Variants in CELF4 observed in about 807,000 individuals in gnomAD.
The protein encoded by CELF4 is CUGBP Elav-like family member 4.
CELF4 carries 18 observed loss-of-function variants against 59.9 expected under a neutral mutation model. That is an observed-to-expected ratio of 0.30 (90% CI 0.21 to 0.45). The LOEUF (loss-of-function observed/expected upper bound fraction) is 0.45, where lower values mean the gene tolerates loss of function less well. Among genes scored for constraint, CELF4 ranks in the 20% least tolerant of loss-of-function variants. CELF4 has a pLI of 1.00. For synonymous variants in CELF4, 261 were observed against 267.1 expected, an observed-to-expected ratio of 0.98 and a Z score of 0.22; for missense variants, 456 against 689.0, an observed-to-expected ratio of 0.66 and a Z score of 3.79.
intron 2 of CELF4, among the ~76,000 whole-genome samples, chr18:37,479,713 AG>A (rs2099860994): frequency 6.6e-6 from 1 of 152,126 alleles, no homozygotes; most frequent in African/African-American, 2.4e-5. Context: ...GAAGAGCCAC[AG>A]GGCAGCCCCT....
At chr18:37,501,482 C>T (rs902822184) in intron 1 of CELF4, among the ~76,000 whole-genome samples, 1 of 152,210 alleles carries the variant, frequency 6.6e-6, no homozygotes, top group Non-Finnish European at 1.5e-5. Flanking sequence ...TTGCTCAGCC[C>T]TGGCCTGGGA....
At position 37,423,261 on chromosome 18, in the gene CELF4, T is replaced by A. The variant is rs546780493; in HGVS notation, c.369+62264A>T. 2.9e-4 allele frequency among the ~76,000 whole-genome samples: 44 copies of A among 152,296 alleles called. 1 individual carries two copies. Among genetic ancestry groups the A allele is most frequent in the African/African-American group, 9.1e-4 (38 of 41,572 alleles). On this transcript the variant is annotated intron_variant, in intron 2 of 12. Coordinates refer to ENST00000420428, the MANE Select transcript of CELF4 (RefSeq NM_020180.4). The stretch of plus-strand genomic sequence containing the variant: ...GCAGGTGTGCCCTGTCCTTGGCTCA[T>A]CCACGTCCAGGTAGGCTGCCAGGGT...
chr18:37,369,566 C>A (rs556017794), intron 2 of CELF4, among the ~76,000 whole-genome samples: 87 of 152,308 alleles, frequency 5.7e-4, no homozygotes, highest in African/African-American at 2.1e-3. Context: ...TTTAGACACT[C>A]TGGGATTGCT....
rs541591088 is a variant in CELF4, at chr18:37,266,782, C to T, written c.1100-184G>A. ...CCCTCTGGGGGTCACCTTCCCTAGC[C>T]CAGGGCTCTTGGCAGGGTAGACAGT... On this transcript the variant is annotated intron_variant, in intron 8 of 12. Coordinates refer to ENST00000420428, the MANE Select transcript of CELF4 (RefSeq NM_020180.4). 1.5e-4 allele frequency among the ~76,000 whole-genome samples: 23 copies of T among 152,206 alleles called. 1 individual carries two copies. Among genetic ancestry groups the T allele is most frequent in the Admixed American group, 3.9e-4 (6 of 15,288 alleles).
At chr18:37,307,450 A>G (rs1603430795) in intron 3 of CELF4, among the ~76,000 whole-genome samples, 2 of 152,160 alleles carry the variant, frequency 1.3e-5, no homozygotes, top group Non-Finnish European at 1.5e-5. Flanking sequence ...CCCAACCTGG[A>G]GTGAATTCTC....
At chr18:37,539,841 C>T (rs1327594915) in intron 1 of CELF4, among the ~76,000 whole-genome samples, 1 of 152,192 alleles carries the variant, frequency 6.6e-6, no homozygotes, top group African/African-American at 2.4e-5. Context: ...CCACACACCG[C>T]TGTTAGCTAC....
chr18:37,342,890 C>A (rs563829506), intron 2 of CELF4, among the ~76,000 whole-genome samples: 1 of 152,204 alleles, frequency 6.6e-6, no homozygotes, highest in Non-Finnish European at 1.5e-5. Flanking sequence ...GGTGTCCCCC[C>A]CAACCCCTAT....
intron 11 of CELF4, among the ~76,000 whole-genome samples, chr18:37,256,629 A>G (rs530906805): frequency 2.9e-4 from 44 of 152,290 alleles, no homozygotes; most frequent in Admixed American, 8.5e-4. Context: ...CTATGTCACC[A>G]GGCTAGAGTG....
chr18:37,527,643 T>G (rs4799938), intron 1 of CELF4, among the ~76,000 whole-genome samples: 1 of 151,908 alleles, frequency 6.6e-6, no homozygotes, highest in Non-Finnish European at 1.5e-5. Flanking sequence ...AAACAAGCAG[T>G]CTGTGGGGTG....
intron 3 of CELF4, among the ~76,000 whole-genome samples, chr18:37,300,726 T>G (rs770964742): frequency 6.6e-6 from 1 of 152,210 alleles, no homozygotes; most frequent in Non-Finnish European, 1.5e-5. Flanking sequence ...TAGTGATATA[T>G]GCCATGAATA....
chr18:37,433,404 ATTC>A (rs2099677115), intron 2 of CELF4, among the ~76,000 whole-genome samples: 1 of 152,058 alleles, frequency 6.6e-6, no homozygotes, highest in African/African-American at 2.4e-5. Flanking sequence ...TGGGGTCATC[ATTC>A]TTTTATTGTA....
In CELF4 at chr18:37,529,638, G is replaced by A. The variant is rs567091961; in HGVS notation, c.286+35718C>T. On this transcript the variant is annotated intron_variant, in intron 1 of 12. Transcript: ENST00000420428. Reference sequence around the variant, plus strand: ...AAGGGGAGCTGACAGTTTTGGATTTGCTTTGCAAGCAACTGGCAGACTTCT... The same window carrying A: ...AAGGGGAGCTGACAGTTTTGGATTTACTTTGCAAGCAACTGGCAGACTTCT... 2.6e-4 allele frequency among the ~76,000 whole-genome samples: 39 copies of A among 152,300 alleles called. 1 individual carries two copies. The South Asian group carries it at 8.1e-3, about 32-fold the overall frequency.
At chr18:37,309,979 T>C (rs1479657673) in intron 3 of CELF4, among the ~76,000 whole-genome samples, 1 of 151,554 alleles carries the variant, frequency 6.6e-6, no homozygotes, top group African/African-American at 2.4e-5. Context: ...ATGCTCAATA[T>C]AGCTGTGGCC....
At chr18:37,314,823 GC>G (rs1461757716) in intron 3 of CELF4, among the ~76,000 whole-genome samples, 22 of 152,258 alleles carry the variant, frequency 1.4e-4, no homozygotes, top group Non-Finnish European at 2.8e-4. Flanking sequence ...TCAGCTGCCT[GC>G]TTTGCTGATC....
chr18:37,273,488 TC>T, intron 6 of CELF4: 1 of 1,057,020 alleles, frequency 9.5e-7, no homozygotes, highest in Non-Finnish European at 1.1e-6. Flanking sequence ...GGAAGTGACA[TC>T]CAAAGCACTA....
chr18:37,551,301 A>G (rs1369612529), intron 1 of CELF4, among the ~76,000 whole-genome samples: 1 of 152,168 alleles, frequency 6.6e-6, no homozygotes, highest in Non-Finnish European at 1.5e-5. Flanking sequence ...GCCAGCCCCA[A>G]AGGCCACCTC....
intron 2 of CELF4, among the ~76,000 whole-genome samples, chr18:37,344,847 C>T (rs2098192367): frequency 6.6e-6 from 1 of 152,200 alleles, no homozygotes; most frequent in Non-Finnish European, 1.5e-5. Flanking sequence ...TGCTGGTGGC[C>T]TTGCAGCATC....
chr18:37,360,085 T>C (rs1180128444), intron 2 of CELF4, among the ~76,000 whole-genome samples: 2 of 148,678 alleles, frequency 1.3e-5, no homozygotes, highest in Non-Finnish European at 1.5e-5. Flanking sequence ...ACTCCTGACC[T>C]CAGGCAATCC....
chr18:37,283,932 A>AC (rs1320423649), intron 3 of CELF4, among the ~76,000 whole-genome samples: 8 of 150,798 alleles, frequency 5.3e-5, no homozygotes, highest in African/African-American at 7.3e-5. Context: ...CACACACACC[A>AC]ATACATGCAC....
Sources: gnomAD v4.1 joint callset for allele counts (sites outside exome capture counted in the v4.1 genomes callset) on GRCh38, gnomAD v4.1.1 for gene constraint, MANE v1.5 for transcripts, NCBI Gene and HGNC (gene_info 2026-07-23, HGNC 2026-07-21) for gene names.